TACR1: variants seen among roughly 807,000 people sequenced by gnomAD.
TACR1 encodes tachykinin receptor 1.
A neutral mutation model predicts 35.8 loss-of-function variants in TACR1; 25 were observed. The observed-to-expected ratio is 0.70, with a 90% CI of 0.51 to 0.98. The LOEUF is 0.98. TACR1 is among the 50% of genes least tolerant of loss of function. The pLI is 0.00. For synonymous variants in TACR1, 195 were observed against 206.7 expected (o/e 0.94, Z 0.48); for missense variants, 478 against 522.9 (o/e 0.91, Z 0.84).
At chr2:75,052,034 G>C (rs1334245893) in intron 3 of TACR1, among the ~76,000 whole-genome samples, 4 of 152,208 alleles carry the variant, frequency 2.6e-5, no homozygotes, top group Non-Finnish European at 5.9e-5. Context: ...ACTAGCTGCA[G>C]TCAGAGAGTG....
In TACR1 at chr2:75,120,786, G is replaced by A; in HGVS notation, c.390-18C>T. ...CCATGTACCTGGAACAGAGAAGAAA[G>A]AACAAAGTTCTGATCTGGTCACCAA... is the stretch of plus-strand genomic sequence containing the variant. On this transcript the variant is annotated intron_variant, in intron 1 of 4. Transcript: ENST00000305249. The A allele has an allele frequency of 6.3e-7, 1 of 1,578,568 alleles. No homozygotes were observed. Among genetic ancestry groups the A allele is most frequent in the Non-Finnish European group, 8.6e-7 (1 of 1,161,816 alleles).
intron 1 of TACR1, among the ~76,000 whole-genome samples, chr2:75,177,094 A>G (rs2104033365): frequency 6.6e-6 from 1 of 152,152 alleles, no homozygotes; most frequent in Admixed American, 6.5e-5. Context: ...CAGAGCCGGC[A>G]CCAGGAGTAC....
intron 1 of TACR1, among the ~76,000 whole-genome samples, chr2:75,163,663 T>G (rs1192916003): frequency 6.6e-6 from 1 of 152,202 alleles, no homozygotes; most frequent in Non-Finnish European, 1.5e-5. Context: ...GTTAAAAATA[T>G]GATATTCAAC....
chr2:75,127,941 CATACTCCTG>C (rs1674106141), intron 1 of TACR1, among the ~76,000 whole-genome samples: 1 of 152,186 alleles, frequency 6.6e-6, no homozygotes, highest in African/African-American at 2.4e-5. Context: ...AATACCCTCC[CATACTCCTG>C]TTAGCTGTCC....
intron 2 of TACR1, among the ~76,000 whole-genome samples, chr2:75,079,827 C>T (rs183298226): frequency 1.9e-3 from 274 of 146,346 alleles, no homozygotes; most frequent in African/African-American, 6.5e-3. Flanking sequence ...TTAAACCAGT[C>T]GTAACAATGT....
chr2:75,077,813 C>A (rs72918512), intron 2 of TACR1, among the ~76,000 whole-genome samples: 12 of 152,090 alleles, frequency 7.9e-5, no homozygotes, highest in African/African-American at 2.9e-4. Flanking sequence ...GGGAAGGCCC[C>A]CAGGAACATA....
chr2:75,166,902 A>C (rs115810594), intron 1 of TACR1, among the ~76,000 whole-genome samples: 7,635 of 152,310 alleles, frequency 0.05, 302 homozygotes, highest in Non-Finnish European at 0.08. Flanking sequence ...TAGATGCCTT[A>C]GTGTTCTTAT....
chr2:75,174,468 G>A (rs138019424), intron 1 of TACR1, among the ~76,000 whole-genome samples: 1 of 151,204 alleles, frequency 6.6e-6, no homozygotes, highest in African/African-American at 2.4e-5. Context: ...TTACGTCCTG[G>A]GTGGGCTGGA....
intron 2 of TACR1, among the ~76,000 whole-genome samples, chr2:75,107,544 AGAAGAAAGGAAG>A (rs1247597268): frequency 3.9e-5 from 6 of 151,992 alleles, no homozygotes; most frequent in African/African-American, 7.2e-5. Context: ...AAGCAAGGAA[AGAAGAAAGGAAG>A]GAAGAAAGGA....
intron 1 of TACR1, among the ~76,000 whole-genome samples, chr2:75,140,374 G>A (rs1403313983): frequency 6.6e-6 from 1 of 152,044 alleles, no homozygotes; most frequent in African/African-American, 2.4e-5. Context: ...TGTACATTTG[G>A]AAAAATGATT....
rs3836193 is a variant in TACR1, at chr2:75,107,997, A to AT, written c.584+12576dup. On this transcript the variant is annotated intron_variant, in intron 2 of 4. Transcript: ENST00000305249. Reference sequence around the variant, plus strand: ...AAATTAAAAAGTCACTATGAAATAGATTTTTTTCTTAAAAATATAAATTAA... The same window carrying AT: ...AAATTAAAAAGTCACTATGAAATAGATTTTTTTTCTTAAAAATATAAATTAA... Among the ~76,000 whole-genome samples, 78 of 152,170 alleles carry AT rather than the reference A, an allele frequency of 5.1e-4. No individual in the cohort carries two copies. In the East Asian group the frequency reaches 6.9e-3, roughly 14 times the overall value.
intron 2 of TACR1, among the ~76,000 whole-genome samples, chr2:75,064,091 G>GAAA (rs11368506): frequency 2.1e-5 from 3 of 141,526 alleles, no homozygotes; most frequent in African/African-American, 7.7e-5. Context: ...GCAGTGTTAG[G>GAAA]AAAAAAAAAA....
intron 1 of TACR1, among the ~76,000 whole-genome samples, chr2:75,198,110 A>G (rs1376146849): frequency 6.6e-6 from 1 of 152,226 alleles, no homozygotes; most frequent in East Asian, 1.9e-4. Context: ...GAAGGCAACA[A>G]GAGGCTGTCT....
intron 1 of TACR1, among the ~76,000 whole-genome samples, chr2:75,163,922 T>C (rs1675074395): frequency 6.6e-6 from 1 of 152,150 alleles, no homozygotes; most frequent in African/African-American, 2.4e-5. Context: ...TCTATTTCTT[T>C]GGAGTATTTC....
intron 2 of TACR1, among the ~76,000 whole-genome samples, chr2:75,098,206 A>G (rs887093945): frequency 6.6e-6 from 1 of 152,224 alleles, no homozygotes; most frequent in Admixed American, 6.5e-5. Flanking sequence ...TCAAGAAAGA[A>G]AGACAATTCT....
chr2:75,063,729 A>G (rs1672710615), intron 2 of TACR1, among the ~76,000 whole-genome samples: 1 of 152,142 alleles, frequency 6.6e-6, no homozygotes, highest in Non-Finnish European at 1.5e-5. Flanking sequence ...TGGCAGTACA[A>G]ATCTCCTCTT....
chr2:75,108,866 C>G (rs1445783633), intron 2 of TACR1, among the ~76,000 whole-genome samples: 1 of 152,102 alleles, frequency 6.6e-6, no homozygotes, highest in African/African-American at 2.4e-5. Context: ...GTACATAATA[C>G]TCAAATTTAA....
At chr2:75,173,278 G>A (rs572437500) in intron 1 of TACR1, among the ~76,000 whole-genome samples, 1 of 152,220 alleles carries the variant, frequency 6.6e-6, no homozygotes, top group South Asian at 2.1e-4. Context: ...TGCAGTTGTA[G>A]GTTTCCATAA....
At chr2:75,080,271 C>T (rs902052529) in intron 2 of TACR1, among the ~76,000 whole-genome samples, 4 of 152,068 alleles carry the variant, frequency 2.6e-5, no homozygotes, top group South Asian at 2.1e-4. Flanking sequence ...GTCACTCCGT[C>T]CTGGAAAAAG....
Sources: gnomAD v4.1 joint callset for allele counts (sites outside exome capture counted in the v4.1 genomes callset) on GRCh38, gnomAD v4.1.1 for gene constraint, MANE v1.5 for transcripts, NCBI Gene and HGNC (gene_info 2026-07-23, HGNC 2026-07-21) for gene names.